Variants in CYP2C19 observed in about 807,000 individuals in gnomAD.
CYP2C19 encodes cytochrome P450 family 2 subfamily C member 19.
CYP2C19 carries 59 observed loss-of-function variants against 40.9 expected under a neutral mutation model. The observed-to-expected ratio is 1.44, with a 90% confidence interval of 1.17 to 1.79. CYP2C19 has a LOEUF of 1.79. Among genes scored for constraint, CYP2C19 ranks in the 40% most tolerant of loss-of-function variants. The pLI is 0.00. For synonymous variants in CYP2C19, 253 were observed against 208.7 expected, an observed-to-expected ratio of 1.21 and a Z score of -1.83; for missense variants, 754 against 596.9, an observed-to-expected ratio of 1.26 and a Z score of -2.74.
rs191690054 is a variant in CYP2C19, at chr10:94,780,666, C to A, written c.642+7C>A. On this transcript the variant is annotated splice_region_variant and intron_variant, in intron 4 of 8. Transcript: ENST00000371321. ...AAGCACCCCCTGGATCCAGGTAAGG[C>A]CAAGTTTTTTGCTTCCTGAGAAACC... 1 of 1,613,262 alleles carries A rather than the reference C, an allele frequency of 6.2e-7. No individual in the cohort carries two copies. The highest frequency in any genetic ancestry group is 8.5e-7 in the Non-Finnish European group (1 of 1,179,662).
At chr10:94,781,538 G>A (rs773907495) in intron 4 of CYP2C19, among the ~76,000 whole-genome samples, 1 of 152,130 alleles carries the variant, frequency 6.6e-6, no homozygotes, top group South Asian at 2.1e-4. Context: ...GAGAAGAATT[G>A]TTGTAAAAAG....
chr10:94,806,665 TA>T (rs1472405154), intron 5 of CYP2C19, among the ~76,000 whole-genome samples: 5 of 148,080 alleles, frequency 3.4e-5, no homozygotes, highest in African/African-American at 7.3e-5. Flanking sequence ...TGTATAATAG[TA>T]AAAAATATAT....
chr10:94,838,469 GATCT>G (rs1849439009), intron 6 of CYP2C19, among the ~76,000 whole-genome samples: 1 of 152,158 alleles, frequency 6.6e-6, no homozygotes, highest in Non-Finnish European at 1.5e-5. Flanking sequence ...AGGGTTATCT[GATCT>G]AAAATACCTA....
intron 6 of CYP2C19, among the ~76,000 whole-genome samples, chr10:94,839,935 A>G (rs1849466584): frequency 6.6e-6 from 1 of 152,142 alleles, no homozygotes; most frequent in Non-Finnish European, 1.5e-5. Context: ...TTCTAACCTT[A>G]TAGCCCCATA....
At chr10:94,851,424 G>A (rs1475395704) in intron 8 of CYP2C19, among the ~76,000 whole-genome samples, 1 of 149,768 alleles carries the variant, frequency 6.7e-6, no homozygotes, top group Non-Finnish European at 1.5e-5. Flanking sequence ...AGGACACAGA[G>A]ACAAAGCATA....
At chr10:94,811,998 T>C (rs1056666184) in intron 5 of CYP2C19, among the ~76,000 whole-genome samples, 4 of 152,222 alleles carry the variant, frequency 2.6e-5, no homozygotes, top group Non-Finnish European at 5.9e-5. Flanking sequence ...AGTATGTTTT[T>C]GCAGTGGCTG....
At position 94,852,746 on chromosome 10, in the gene CYP2C19, T is replaced by C; in HGVS notation, c.1305T>C (p.Cys435=). The stretch of plus-strand genomic sequence containing the variant: ...TGTTATTTTCAGGAAAACGGATTTG[T>C]GTGGGAGAGGGCCTGGCCCGCATGG... ...FMPFSAGKRI[C]VGEGLARMEL... Residue 435 remains cysteine (C), a synonymous_variant, in exon 9 of 9, where the codon TGT becomes TGC. Coordinates refer to ENST00000371321, the MANE Select transcript of CYP2C19 (RefSeq NM_000769.4). 1 of 1,613,960 alleles carries C rather than the reference T, an allele frequency of 6.2e-7. No individual in the cohort carries two copies. Among genetic ancestry groups the C allele is most frequent in the South Asian group, 1.1e-5 (1 of 91,076 alleles).
At chr10:94,807,608 T>C (rs556737668) in intron 5 of CYP2C19, among the ~76,000 whole-genome samples, 25 of 152,186 alleles carry the variant, frequency 1.6e-4, no homozygotes, top group Non-Finnish European at 3.2e-4. Context: ...TGATATCTCA[T>C]TGTGGCTTTG....
chr10:94,804,990 T>C (rs1848814691), intron 5 of CYP2C19, among the ~76,000 whole-genome samples: 1 of 152,166 alleles, frequency 6.6e-6, no homozygotes, highest in Non-Finnish European at 1.5e-5. Flanking sequence ...TAGAAACATG[T>C]TATCTTGAAC....
intron 8 of CYP2C19, among the ~76,000 whole-genome samples, chr10:94,851,351 A>G (rs1284424498): frequency 3.3e-5 from 5 of 152,024 alleles, no homozygotes; most frequent in African/African-American, 9.7e-5. Context: ...CTATGATGCA[A>G]TCACCTTCTA....
chr10:94,789,116 A>G (rs1589352941), intron 5 of CYP2C19, among the ~76,000 whole-genome samples: 1 of 151,030 alleles, frequency 6.6e-6, no homozygotes, highest in African/African-American at 2.4e-5. Context: ...GCTTTTTTTC[A>G]TATGTTTTTT....
At chr10:94,841,416 G>A (rs1201990546) in intron 6 of CYP2C19, among the ~76,000 whole-genome samples, 8 of 152,166 alleles carry the variant, frequency 5.3e-5, no homozygotes, top group East Asian at 3.9e-4. Flanking sequence ...GGTGGACGGC[G>A]AGTGAAAGCT....
chr10:94,775,250 T>G lies in CYP2C19; in HGVS notation c.331+30T>G, dbSNP rs746256606. 13 of 1,613,748 alleles carry G rather than the reference T, an allele frequency of 8.1e-6. No homozygotes were observed. In the Admixed American group the frequency reaches 1.8e-4, roughly 23 times the overall value. On this transcript the variant is annotated intron_variant, in intron 2 of 8. Transcript: ENST00000371321. ...GTGTGCAAGTGCCTGTTTCAGCATC[T>G]GTCTTGGGGATGGGGAGGATGGAAA... is the stretch of plus-strand genomic sequence containing the variant.
chr10:94,775,613 C>T, intron 3 of CYP2C19, 74 bp downstream of exon 3: 1 of 1,610,078 alleles, frequency 6.2e-7, no homozygotes, highest in Non-Finnish European at 8.5e-7. Flanking sequence ...GGAAACATTT[C>T]AGGGGTGGCC....
In CYP2C19 at chr10:94,768,293, A is replaced by T. The variant is rs563490506; in HGVS notation, c.168+5420A>T. ...GCTTACTTTCAAGTACAGTTACACC[A>T]CTAACTTTGCCATAACCTGCCCTTC... On this transcript the variant is annotated intron_variant, in intron 1 of 8. Coordinates refer to ENST00000371321, the MANE Select transcript of CYP2C19 (RefSeq NM_000769.4). 1.4e-4 allele frequency among the ~76,000 whole-genome samples: 22 copies of T among 152,280 alleles called. No individual in the cohort carries two copies. In the South Asian group the frequency reaches 4.1e-3, roughly 29 times the overall value.
At chr10:94,833,694 G>T (rs1483210661) in intron 6 of CYP2C19, among the ~76,000 whole-genome samples, 1 of 152,144 alleles carries the variant, frequency 6.6e-6, no homozygotes, top group East Asian at 1.9e-4. Flanking sequence ...TGTTTTTAAT[G>T]AATTTTTATC....
chr10:94,828,829 T>G (rs1241458474), intron 6 of CYP2C19, among the ~76,000 whole-genome samples: 1 of 152,172 alleles, frequency 6.6e-6, no homozygotes, highest in African/African-American at 2.4e-5. Context: ...GATTAGTGCT[T>G]CCTTCAGGAG....
intron 8 of CYP2C19, 54 bp from the exon 9 acceptor site, chr10:94,852,679 C>A: frequency 6.3e-7 from 1 of 1,576,644 alleles, no homozygotes; most frequent in South Asian, 1.1e-5. Flanking sequence ...CAGTGTTTGT[C>A]ACTCTCACAG....
At chr10:94,818,972 T>G (rs1849064189) in intron 5 of CYP2C19, among the ~76,000 whole-genome samples, 1 of 151,378 alleles carries the variant, frequency 6.6e-6, no homozygotes, top group Non-Finnish European at 1.5e-5. Context: ...ATTCCAAAAT[T>G]GACCACATAG....
Sources: allele counts gnomAD v4.1 joint callset (sites outside exome capture counted in the v4.1 genomes callset), GRCh38; gene constraint gnomAD v4.1.1; transcripts MANE v1.5; gene names NCBI Gene and HGNC (gene_info 2026-07-23, HGNC 2026-07-21).